Variants in FGF13 observed in about 807,000 individuals in gnomAD.
The protein encoded by FGF13 is fibroblast growth factor homologous factor 2.
A neutral mutation model predicts 19.5 loss-of-function variants in FGF13; 2 were observed. The observed-to-expected ratio is 0.10, with a 90% confidence interval of 0.04 to 0.32. The LOEUF is 0.32. FGF13 is among the 10% of genes least tolerant of loss of function. FGF13 has a pLI of 1.00. For synonymous variants in FGF13, 72 were observed against 76.9 expected (o/e 0.94, Z 0.33); for missense variants, 113 against 192.7 (o/e 0.59, Z 2.45).
intron 3 of FGF13, among the ~76,000 whole-genome samples, chrX:138,651,986 C>T (rs1413427946): frequency 9.0e-6 from 1 of 111,542 alleles, no homozygotes; most frequent in Non-Finnish European, 1.9e-5. Flanking sequence ...CTACACCTCC[C>T]AATAGCTTTT....
intron 1 of FGF13, among the ~76,000 whole-genome samples, chrX:139,033,655 G>A (rs767455816): frequency 3.6e-5 from 4 of 111,836 alleles, no homozygotes; most frequent in African/African-American, 9.7e-5. Context: ...GTAAACATAC[G>A]TGACATTTTA....
At chrX:139,030,378 T>C (rs12854992) in intron 1 of FGF13, among the ~76,000 whole-genome samples, 1 of 111,547 alleles carries the variant, frequency 9.0e-6, no homozygotes, top group Non-Finnish European at 1.9e-5. Flanking sequence ...ACTGTGGTGG[T>C]AGCTTCAAAT....
intron 3 of FGF13, among the ~76,000 whole-genome samples, chrX:138,763,794 T>C (rs1005688860): frequency 9.0e-6 from 1 of 111,329 alleles, no homozygotes; most frequent in Non-Finnish European, 1.9e-5. Context: ...GTGTTAATAA[T>C]ACATCTTCAG....
intron 1 of FGF13, among the ~76,000 whole-genome samples, chrX:139,015,249 C>T (rs1340213053): frequency 9.0e-6 from 1 of 110,725 alleles, no homozygotes; most frequent in Non-Finnish European, 1.9e-5. Context: ...TAAAGGGCAT[C>T]CAAGTTGAAA....
At chrX:139,118,473 C>T (rs2083655022) in intron 1 of FGF13, among the ~76,000 whole-genome samples, 1 of 111,693 alleles carries the variant, frequency 9.0e-6, no homozygotes, top group African/African-American at 3.3e-5. Context: ...AAAGAGGAAA[C>T]AGACAGAAAA....
At chrX:138,660,273 C>G (rs983386035) in intron 3 of FGF13, among the ~76,000 whole-genome samples, 2 of 111,118 alleles carry the variant, frequency 1.8e-5, no homozygotes, top group African/African-American at 6.5e-5. Context: ...GAACTTACTC[C>G]TTGAGAAGTG....
At chrX:139,011,117 C>T (rs376757446) in intron 1 of FGF13, among the ~76,000 whole-genome samples, 1 of 111,011 alleles carries the variant, frequency 9.0e-6, no homozygotes. Context: ...GATACAGAAT[C>T]TCTGAACAGA....
At chrX:138,930,184 A>G (rs1359065728) in intron 1 of FGF13, among the ~76,000 whole-genome samples, 1 of 111,262 alleles carries the variant, frequency 9.0e-6, no homozygotes, top group African/African-American at 3.3e-5. Flanking sequence ...AAAAATATAT[A>G]ACTTGTTCAC....
At chrX:138,817,904 G>A (rs2090972251) in intron 3 of FGF13, among the ~76,000 whole-genome samples, 1 of 111,927 alleles carries the variant, frequency 8.9e-6, no homozygotes, top group South Asian at 3.7e-4. Flanking sequence ...CTGTTGTAAC[G>A]TAAATGTAGC....
intron 1 of FGF13, among the ~76,000 whole-genome samples, chrX:138,967,099 C>A (rs1373394033): frequency 1.8e-5 from 2 of 110,870 alleles, no homozygotes; most frequent in Non-Finnish European, 3.8e-5. Context: ...GTCCTTATAG[C>A]AGCCTGAGAA....
chrX:138,848,041 T>C (rs1251653193), intron 3 of FGF13, among the ~76,000 whole-genome samples: 1 of 112,345 alleles, frequency 8.9e-6, no homozygotes, highest in Non-Finnish European at 1.9e-5. Context: ...GACCCATACT[T>C]GCAAGCTGCA....
chrX:139,069,015 G>T (rs1462835156), intron 1 of FGF13, among the ~76,000 whole-genome samples: 1 of 107,056 alleles, frequency 9.3e-6, no homozygotes, highest in Non-Finnish European at 1.9e-5. Flanking sequence ...ACTGTTGGTG[G>T]GACTGTCAAC....
At chrX:138,903,840 CT>C (rs1057433892) in intron 1 of FGF13, among the ~76,000 whole-genome samples, 21 of 111,862 alleles carry the variant, frequency 1.9e-4, no homozygotes, top group African/African-American at 6.8e-4. Context: ...GTATTCTATG[CT>C]GCTCAATAGC....
At chrX:138,745,448 G>C (rs1053323360) in intron 3 of FGF13, among the ~76,000 whole-genome samples, 4 of 111,873 alleles carry the variant, frequency 3.6e-5, no homozygotes, top group African/African-American at 1.3e-4. Context: ...CCCTTGTGGA[G>C]AAATAACGTA....
At position 138,867,900 on chromosome X, in the gene FGF13, C is replaced by T. The variant is rs768377586; in HGVS notation, c.-112-3250G>A. Among the ~76,000 whole-genome samples, 3 of 110,438 alleles carry T rather than the reference C, an allele frequency of 2.7e-5. No homozygotes were observed. In the South Asian group the frequency reaches 1.2e-3, roughly 43 times the overall value. On this transcript the variant is annotated intron_variant, in intron 1 of 2. Coordinates refer to the FGF13 transcript ENST00000421460. The stretch of plus-strand genomic sequence containing the variant: ...TTCAAGTTAACGTGAAGGTGTCTTC[C>T]ACTCCCACCACGCACAAAAAATTTT...
At chrX:139,006,669 C>T (rs1202771048) in intron 1 of FGF13, among the ~76,000 whole-genome samples, 1 of 111,404 alleles carries the variant, frequency 9.0e-6, no homozygotes, top group Admixed American at 9.5e-5. Context: ...TAAATCAAAA[C>T]ATCAAAAAGT....
rs141426142 is a variant in FGF13, at chrX:138,842,710, G to A, written c.217+14802C>T. Among the ~76,000 whole-genome samples, 1,449 of 110,737 alleles carry A rather than the reference G, an allele frequency of 0.013. 84 individuals are homozygous for A. The East Asian group carries it at 0.24, about 18-fold the overall frequency. ...ACATATTTTGAGTTGTCACAACTAG[G>A]ATGGGGTGCTACTGGCATCTAGTGG... On this transcript the variant is annotated intron_variant, in intron 3 of 6. Transcript: ENST00000436198.
chrX:138,943,262 G>T lies in FGF13; in HGVS notation c.-112-78612C>A, dbSNP rs144487884. Among the ~76,000 whole-genome samples the T allele has an allele frequency of 2.0e-4, 22 of 111,954 alleles. No homozygotes were observed. The East Asian group carries it at 6.3e-3, about 32-fold the overall frequency. The stretch of plus-strand genomic sequence containing the variant: ...ATGGTCTGTGATGAGGGTTTGCAGA[G>T]GCCCCTTGTGAGATCCAGTGTCCAA... On this transcript the variant is annotated intron_variant, in intron 1 of 2. Coordinates refer to the FGF13 transcript ENST00000421460.
Position 139,107,154 on chromosome X carries a change from G to A in FGF13, c.-113+96262C>T, listed in dbSNP as rs745634539. On this transcript the variant is annotated intron_variant, in intron 1 of 2. Transcript: ENST00000421460. The stretch of plus-strand genomic sequence containing the variant: ...CAAGTAAATTGACAAGTATGATAAC[G>A]TGTGATGAAGAGTGGCAACATGCTA... Among the ~76,000 whole-genome samples the A allele has an allele frequency of 4.5e-5, 5 of 111,884 alleles. No individual in the cohort carries two copies. The East Asian group carries it at 8.5e-4, about 19-fold the overall frequency.
Sources: allele counts gnomAD v4.1 joint callset (sites outside exome capture counted in the v4.1 genomes callset), GRCh38; gene constraint gnomAD v4.1.1; transcripts MANE v1.5; gene names NCBI Gene and HGNC (gene_info 2026-07-23, HGNC 2026-07-21).